GREB1: variants seen among roughly 807,000 people sequenced by gnomAD.
The protein encoded by GREB1 is protein GREB1.
GREB1 carries 106 observed loss-of-function variants against 200.7 expected under a neutral mutation model. That is an observed-to-expected ratio of 0.53 (90% CI 0.45 to 0.62). The LOEUF is 0.62. Ranked by LOEUF, GREB1 falls within the 20% of genes least tolerant of loss-of-function variation. The pLI is 0.00. For synonymous variants in GREB1, 1,132 were observed against 1,092.4 expected, an observed-to-expected ratio of 1.04 and a Z score of -0.72; for missense variants, 2,243 against 2,556.8, an observed-to-expected ratio of 0.88 and a Z score of 2.65.
At chr2:11,499,017 C>CTGG (rs1461018328) in intron 1 of GREB1, among the ~76,000 whole-genome samples, 1 of 152,112 alleles carries the variant, frequency 6.6e-6, no homozygotes, top group East Asian at 1.9e-4. Context: ...AAACATGTTC[C>CTGG]TGGTGGTGGG....
intron 1 of GREB1, 27 bp from the exon 2 acceptor site, chr2:11,556,427 A>G: frequency 1.9e-6 from 1 of 512,922 alleles, no homozygotes; most frequent in Admixed American, 3.4e-5. Context: ...GCTGTTACTT[A>G]TATAACTTCC....
At chr2:11,638,527 A>G in intron 31 of GREB1, 144 bp from the exon 32 acceptor site, 1 of 628,508 alleles carries the variant, frequency 1.6e-6, no homozygotes, top group East Asian at 2.7e-5. Flanking sequence ...AGATTTGGAA[A>G]TAACATGAAA....
chr2:11,495,160 C>T (rs933142875), intron 1 of GREB1, among the ~76,000 whole-genome samples: 3 of 152,188 alleles, frequency 2.0e-5, no homozygotes, highest in Non-Finnish European at 2.9e-5. Flanking sequence ...TGCTCCTGAG[C>T]CATGTTGAGC....
intron 26 of GREB1, 62 bp from the exon 27 acceptor site, chr2:11,631,847 T>C: frequency 8.1e-7 from 1 of 1,240,470 alleles, no homozygotes; most frequent in Non-Finnish European, 1.2e-6. Context: ...AAGTCACATG[T>C]CAAGGGAATA....
chr2:11,586,090 A>T (rs1305805601), intron 9 of GREB1, among the ~76,000 whole-genome samples, 185 bp downstream of exon 9: 1 of 152,202 alleles, frequency 6.6e-6, no homozygotes, highest in Non-Finnish European at 1.5e-5. Context: ...CCCTGATCAG[A>T]TGCCAAGAAT....
intron 9 of GREB1, 107 bp from the exon 10 acceptor site, chr2:11,588,639 G>A (rs568899188): frequency 2.2e-5 from 22 of 1,017,548 alleles, no homozygotes; most frequent in African/African-American, 3.1e-5. Flanking sequence ...GGGACCTGGC[G>A]CAGCTCACCT....
Position 11,618,338 on chromosome 2 carries a change from G to A in GREB1, c.3463G>A (p.Gly1155Arg). ...SSAQPTALPQGEHARSPQPRG... is the reference protein window; with the variant it reads ...SSAQPTALPQREHARSPQPRG... The stretch of plus-strand genomic sequence containing the variant: ...GGCTCAGCCCACAGCACTCCCCCAG[G>A]GAGAGCATGCCAGGTCGCCCCAGCC... The change falls in exon 22 of 33, where the codon GGA becomes AGA. Residue 1155 changes from glycine to arginine, a missense_variant. Physicochemically the swap from Gly to Arg is moderately radical, Grantham distance 125. Around this residue, in one of 3 missense-constraint regions of GREB1, gnomAD observed 587 missense variants for 553.1 expected, o/e 1.06. Coordinates refer to ENST00000381486, the MANE Select transcript of GREB1 (RefSeq NM_014668.4). The A allele has an allele frequency of 6.2e-7, 1 of 1,605,076 alleles. No individual in the cohort carries two copies. The highest frequency in any genetic ancestry group is 8.5e-7 in the Non-Finnish European group (1 of 1,175,134).
At chr2:11,563,571 G>T (rs2147932706) in intron 3 of GREB1, among the ~76,000 whole-genome samples, 1 of 152,346 alleles carries the variant, frequency 6.6e-6, no homozygotes, top group South Asian at 2.1e-4. Flanking sequence ...ATCAGCTTGG[G>T]CATCAGACAC....
At position 11,486,041 on chromosome 2, in the gene GREB1, A is replaced by G. The variant is rs541041973; in HGVS notation, c.-159+3660A>G. 3.9e-5 allele frequency among the ~76,000 whole-genome samples: 6 copies of G among 152,284 alleles called. No homozygotes were observed. The East Asian group carries it at 1.2e-3, about 29-fold the overall frequency. On this transcript the variant is annotated intron_variant, in intron 1 of 2. Coordinates refer to the GREB1 transcript ENST00000628795. Reference sequence around the variant, plus strand: ...TGGTGACAGGAACTTGCTTTCAATAATCTCACCTTTCTCCTTTTAGCATTC... The same window carrying G: ...TGGTGACAGGAACTTGCTTTCAATAGTCTCACCTTTCTCCTTTTAGCATTC...
intron 1 of GREB1, among the ~76,000 whole-genome samples, chr2:11,497,971 CT>C (rs70955803): frequency 6.9e-4 from 28 of 40,614 alleles, no homozygotes; most frequent in African/African-American, 8.2e-4. Context: ...CAGAGCAAAA[CT>C]TTTTTTTTTT....
chr2:11,556,776 G>T lies in GREB1; in HGVS notation c.157+5G>T. 1 of 1,612,918 alleles carries T rather than the reference G, an allele frequency of 6.2e-7. No homozygotes were observed. The highest frequency in any genetic ancestry group is 8.5e-7 in the Non-Finnish European group (1 of 1,179,342). ...AGCAGCTTGCCGCTCTAGAAGGTGG[G>T]AGACGCACGTTGCTTTTATCTGTGT... On this transcript the variant is annotated splice_donor_5th_base_variant and intron_variant, in intron 2 of 32. Transcript: ENST00000381486.
intron 1 of GREB1, among the ~76,000 whole-genome samples, chr2:11,483,329 C>CGT (rs111890351): frequency 0.54 from 67,409 of 124,568 alleles, 16,385 homozygotes; most frequent in East Asian, 0.73. Context: ...TGTGCGCGCG[C>CGT]GTGTGTGTGT....
chr2:11,495,464 C>A (rs1234676832), intron 1 of GREB1, among the ~76,000 whole-genome samples: 3 of 151,798 alleles, frequency 2.0e-5, no homozygotes, highest in African/African-American at 4.8e-5. Context: ...AAAAAAATGG[C>A]CTCAAGGAAG....
intron 31 of GREB1, 85 bp from the exon 32 acceptor site, chr2:11,638,586 T>C: frequency 8.3e-7 from 1 of 1,207,100 alleles, no homozygotes; most frequent in African/African-American, 1.5e-5. Flanking sequence ...AAGCAGTTGG[T>C]ATTTACTAGG....
At chr2:11,573,867 G>A (rs1251935330) in intron 4 of GREB1, among the ~76,000 whole-genome samples, 1 of 152,206 alleles carries the variant, frequency 6.6e-6, no homozygotes, top group Non-Finnish European at 1.5e-5. Context: ...GTTTCTTATG[G>A]GACAGAGGCC....
chr2:11,550,029 G>A (rs868705413), intron 1 of GREB1, among the ~76,000 whole-genome samples: 1 of 152,084 alleles, frequency 6.6e-6, no homozygotes, highest in African/African-American at 2.4e-5. Context: ...GACCAGCCTG[G>A]ACAACATAAT....
rs569761896 is a variant in GREB1, at chr2:11,637,823, G to A, written c.5454G>A (p.Leu1818=). 13 of 1,614,180 alleles carry A rather than the reference G, an allele frequency of 8.1e-6. No individual in the cohort carries two copies. The highest frequency in any genetic ancestry group is 1.1e-5 in the Non-Finnish European group (13 of 1,180,022). The change falls in exon 31 of 33, where the codon CTG becomes CTA. Residue 1818 remains leucine, a synonymous_variant. Transcript: ENST00000381486. ...CCCAGCTCCTGCTGGAGAAGTTCCTGCAGCACCACAGCCACCTCTTCTTCC... is the reference window on the plus strand; with the variant it reads ...CCCAGCTCCTGCTGGAGAAGTTCCTACAGCACCACAGCCACCTCTTCTTCC... ...APAQLLLEKF[L]QHHSHLFFPL...
chr2:11,611,195 G>A (rs771906774), intron 18 of GREB1, among the ~76,000 whole-genome samples, 168 bp downstream of exon 18: 4 of 149,814 alleles, frequency 2.7e-5, no homozygotes, highest in South Asian at 4.3e-4. Flanking sequence ...TCTGCCCTCC[G>A]CCCCAGCAGC....
chr2:11,488,927 A>T (rs1409177534), intron 1 of GREB1, among the ~76,000 whole-genome samples: 12 of 97,880 alleles, frequency 1.2e-4, no homozygotes. Context: ...CCGCATTTGC[A>T]GTGACATATT....
Sources: gnomAD v4.1 joint callset for allele counts (sites outside exome capture counted in the v4.1 genomes callset) on GRCh38, gnomAD v4.1.1 for gene constraint, gnomAD v4.1.1 regional missense constraint, MANE v1.5 for transcripts, NCBI Gene and HGNC (gene_info 2026-07-23, HGNC 2026-07-21) for gene names.